Variants in KCNIP4 observed in about 807,000 individuals in gnomAD.
The protein encoded by KCNIP4 is potassium voltage-gated channel interacting protein 4.
A neutral mutation model predicts 34.0 loss-of-function variants in KCNIP4; 12 were observed. The ratio of observed to expected loss-of-function variants is 0.35; its 90% CI spans 0.23 to 0.57. The LOEUF (loss-of-function observed/expected upper bound fraction) is 0.57, where lower values mean the gene tolerates loss of function less well. KCNIP4 is among the 20% of genes least tolerant of loss of function. The probability of loss-of-function intolerance (pLI) is 0.83; values close to 1 mark genes in which losing one functional copy is unlikely to be tolerated. For missense variants in KCNIP4, 238 were observed against 311.7 expected, an observed-to-expected ratio of 0.76 and a Z score of 1.78; for synonymous variants, 124 against 102.2, an observed-to-expected ratio of 1.21 and a Z score of -1.29.
chr4:21,256,554 A>G (rs1226384353), intron 1 of KCNIP4, among the ~76,000 whole-genome samples: 1 of 152,064 alleles, frequency 6.6e-6, no homozygotes, highest in Non-Finnish European at 1.5e-5. Context: ...AGCTATGATT[A>G]TGCCATTGCA....
At chr4:21,679,652 T>C (rs1750188868) in intron 1 of KCNIP4, among the ~76,000 whole-genome samples, 1 of 152,214 alleles carries the variant, frequency 6.6e-6, no homozygotes, top group African/African-American at 2.4e-5. Flanking sequence ...TTCAAGCCTG[T>C]ATTGAATTTT....
intron 3 of KCNIP4, among the ~76,000 whole-genome samples, chr4:20,826,406 T>C (rs942741256): frequency 6.6e-6 from 1 of 151,388 alleles, no homozygotes; most frequent in Non-Finnish European, 1.5e-5. Flanking sequence ...GAGACCCCCA[T>C]CTCTAAAATT....
intron 1 of KCNIP4, among the ~76,000 whole-genome samples, chr4:21,225,419 AC>A (rs779290806): frequency 3.3e-5 from 5 of 152,104 alleles, no homozygotes; most frequent in Non-Finnish European, 5.9e-5. Flanking sequence ...ATGACGATAT[AC>A]CCCATATTAC....
chr4:20,998,117 AAG>A (rs2149714103), intron 1 of KCNIP4, among the ~76,000 whole-genome samples: 1 of 152,290 alleles, frequency 6.6e-6, no homozygotes, highest in Admixed American at 6.5e-5. Flanking sequence ...ATATTCAGGG[AAG>A]AGAGATAGAA....
chr4:21,891,104 A>G (rs1004009884), intron 1 of KCNIP4, among the ~76,000 whole-genome samples: 6 of 152,116 alleles, frequency 3.9e-5, no homozygotes, highest in African/African-American at 7.2e-5. Flanking sequence ...TTCCTCATAT[A>G]TAAGGAATGA....
intron 1 of KCNIP4, among the ~76,000 whole-genome samples, chr4:21,686,489 T>G (rs2109033804): frequency 6.6e-6 from 1 of 152,244 alleles, no homozygotes; most frequent in South Asian, 2.1e-4. Flanking sequence ...TTTAAAAACA[T>G]TAAAATTCAA....
intron 1 of KCNIP4, among the ~76,000 whole-genome samples, chr4:21,739,293 A>G (rs1346478775): frequency 6.6e-6 from 1 of 152,096 alleles, no homozygotes; most frequent in African/African-American, 2.4e-5. Flanking sequence ...ATGCACTAAC[A>G]TTTGCTCTAA....
chr4:21,320,816 C>T (rs1414820380), intron 1 of KCNIP4, among the ~76,000 whole-genome samples: 1 of 151,912 alleles, frequency 6.6e-6, no homozygotes, highest in Admixed American at 6.6e-5. Context: ...ACTAAAAAGA[C>T]AAAAATTAGC....
intron 1 of KCNIP4, among the ~76,000 whole-genome samples, chr4:21,071,999 T>C (rs1478574622): frequency 6.6e-6 from 1 of 152,240 alleles, no homozygotes; most frequent in Non-Finnish European, 1.5e-5. Flanking sequence ...TACATAATAT[T>C]CCATGATGTA....
At chr4:20,964,377 A>T (rs1269239076) in intron 1 of KCNIP4, among the ~76,000 whole-genome samples, 1 of 152,224 alleles carries the variant, frequency 6.6e-6, no homozygotes, top group African/African-American at 2.4e-5. Flanking sequence ...CAGTTAAAGT[A>T]TGTGGTTCAA....
intron 1 of KCNIP4, among the ~76,000 whole-genome samples, chr4:21,901,479 G>A (rs1488281425): frequency 6.6e-6 from 1 of 152,066 alleles, no homozygotes; most frequent in Non-Finnish European, 1.5e-5. Context: ...TATCTATTGT[G>A]TGCTCTTCAT....
Position 21,436,607 on chromosome 4 carries a change from T to G in KCNIP4, c.61+511964A>C, listed in dbSNP as rs2109687783. 2.0e-5 allele frequency among the ~76,000 whole-genome samples: 3 copies of G among 152,282 alleles called. 1 individual carries two copies. Among genetic ancestry groups the G allele is most frequent in the Non-Finnish European group, 4.4e-5 (3 of 68,010 alleles). ...GGTTCTGGAGTTCTGTGAACTGAAT[T>G]CAAAGACTGTCTCTGCACTTTCTGT... is the stretch of plus-strand genomic sequence containing the variant. On this transcript the variant is annotated intron_variant, in intron 1 of 8. Transcript: ENST00000382152.
chr4:20,951,927 T>C (rs1167984508), intron 1 of KCNIP4, among the ~76,000 whole-genome samples: 3 of 152,218 alleles, frequency 2.0e-5, no homozygotes, highest in Non-Finnish European at 1.5e-5. Flanking sequence ...GTAAATTTGT[T>C]AAAAGGCAAA....
chr4:21,840,303 A>C (rs1366417178), intron 1 of KCNIP4, among the ~76,000 whole-genome samples: 1 of 151,982 alleles, frequency 6.6e-6, no homozygotes, highest in African/African-American at 2.4e-5. Flanking sequence ...CACACTAGTG[A>C]GTCTCCTCTG....
intron 1 of KCNIP4, among the ~76,000 whole-genome samples, chr4:21,857,464 T>A (rs1455117792): frequency 6.6e-6 from 1 of 151,746 alleles, no homozygotes; most frequent in Non-Finnish European, 1.5e-5. Flanking sequence ...GAGAAGATGA[T>A]GGAATGACCA....
rs183661657 is a variant in KCNIP4 at position 21,566,593 on chromosome 4, T to C, written c.61+381978A>G. Reference sequence around the variant, plus strand: ...AAGCTTCCTGTACAGTTTATGGAACTGTCAGCCAATTAAACCTTCTTTCTT... The same window carrying C: ...AAGCTTCCTGTACAGTTTATGGAACCGTCAGCCAATTAAACCTTCTTTCTT... On this transcript the variant is annotated intron_variant, in intron 1 of 8. Coordinates refer to ENST00000382152, the MANE Select transcript of KCNIP4 (RefSeq NM_025221.6). 1.8e-3 allele frequency among the ~76,000 whole-genome samples: 269 copies of C among 152,290 alleles called. 1 individual carries two copies. The highest frequency in any genetic ancestry group is 6.3e-3 in the African/African-American group (260 of 41,570).
At chr4:21,776,100 G>A (rs1719157847) in intron 1 of KCNIP4, among the ~76,000 whole-genome samples, 1 of 152,202 alleles carries the variant, frequency 6.6e-6, no homozygotes, top group South Asian at 2.1e-4. Context: ...TCCAATCCAT[G>A]GGTTGCACAG....
intron 3 of KCNIP4, among the ~76,000 whole-genome samples, chr4:20,802,225 C>CATATGCTACATATATGCTATAT (rs1304543614): frequency 6.1e-5 from 3 of 49,070 alleles, no homozygotes; most frequent in Non-Finnish European, 8.6e-5. Context: ...ATATGCTATA[C>CATATGCTACATATATGCTATAT]ATATGCTACA....
chr4:21,923,362 A>T (rs1049992349), intron 1 of KCNIP4, among the ~76,000 whole-genome samples: 11 of 152,152 alleles, frequency 7.2e-5, no homozygotes, highest in African/African-American at 2.4e-4. Flanking sequence ...CAGATGGATC[A>T]TCTGAGGTCA....
Sources: gnomAD v4.1 joint callset for allele counts (sites outside exome capture counted in the v4.1 genomes callset) on GRCh38, gnomAD v4.1.1 for gene constraint, MANE v1.5 for transcripts, NCBI Gene and HGNC (gene_info 2026-07-23, HGNC 2026-07-21) for gene names.